Variants in LRRC4C observed in about 807,000 individuals in gnomAD.
The protein encoded by LRRC4C is leucine-rich repeat-containing protein 4C.
A neutral mutation model predicts 33.6 loss-of-function variants in LRRC4C; 5 were observed. The observed-to-expected ratio is 0.15, with a 90% CI of 0.08 to 0.31. The LOEUF (loss-of-function observed/expected upper bound fraction) is 0.31, where lower values mean the gene tolerates loss of function less well. LRRC4C is among the 10% of genes least tolerant of loss of function. LRRC4C has a pLI of 1.00. For synonymous variants in LRRC4C, 329 were observed against 302.0 expected (o/e 1.09, Z -0.93); for missense variants, 560 against 796.7 (o/e 0.70, Z 3.58).
At chr11:41,331,449 T>A (rs1951290976) in intron 1 of LRRC4C, among the ~76,000 whole-genome samples, 1 of 152,156 alleles carries the variant, frequency 6.6e-6, no homozygotes, top group Admixed American at 6.5e-5. Flanking sequence ...AATGCATGCA[T>A]GAAAGGATAA....
chr11:40,814,704 C>G (rs1261841171), intron 2 of LRRC4C, among the ~76,000 whole-genome samples: 1 of 151,542 alleles, frequency 6.6e-6, no homozygotes, highest in East Asian at 1.9e-4. Context: ...ATTTCTTCTG[C>G]CAGATACCCT....
rs192589196 is a variant in LRRC4C at position 40,367,095 on chromosome 11, A to T, written c.-269-47374T>A. Among the ~76,000 whole-genome samples the T allele has an allele frequency of 3.9e-3, 597 of 152,122 alleles. 9 individuals are homozygous for T. Among genetic ancestry groups the T allele is most frequent in the Non-Finnish European group, 4.0e-3 (274 of 67,890 alleles). ...TTTATTTAATACCTGCATCCTCATTATATATTTTATCTCACTTTTCATTGC... is the reference window on the plus strand; with the variant it reads ...TTTATTTAATACCTGCATCCTCATTTTATATTTTATCTCACTTTTCATTGC... On this transcript the variant is annotated intron_variant, in intron 3 of 6. Coordinates refer to ENST00000528697, the MANE Select transcript of LRRC4C (RefSeq NM_001258419.2).
At chr11:40,839,479 C>G (rs538125437) in intron 2 of LRRC4C, among the ~76,000 whole-genome samples, 64 of 152,298 alleles carry the variant, frequency 4.2e-4, no homozygotes, top group South Asian at 6.2e-4. Context: ...CTGCTGACCT[C>G]AGGTGATCTG....
At chr11:41,349,484 A>T (rs1409708709) in intron 1 of LRRC4C, among the ~76,000 whole-genome samples, 1 of 152,168 alleles carries the variant, frequency 6.6e-6, no homozygotes. Flanking sequence ...AAACAAAAAA[A>T]CAACAACAAA....
At chr11:40,362,176 GC>G (rs1565313842) in intron 3 of LRRC4C, among the ~76,000 whole-genome samples, 1 of 152,058 alleles carries the variant, frequency 6.6e-6, no homozygotes, top group African/African-American at 2.4e-5. Context: ...AACAATATAG[GC>G]AATACCATTC....
intron 1 of LRRC4C, among the ~76,000 whole-genome samples, chr11:41,403,683 C>T (rs545845014): frequency 1.3e-5 from 2 of 152,200 alleles, no homozygotes; most frequent in South Asian, 4.1e-4. Flanking sequence ...GTTGCCAGGA[C>T]ATATTATTGT....
chr11:40,887,623 G>A (rs949704923), intron 2 of LRRC4C, among the ~76,000 whole-genome samples: 5 of 151,932 alleles, frequency 3.3e-5, no homozygotes. Flanking sequence ...TTAGATTGAC[G>A]AATACATTGC....
intron 1 of LRRC4C, among the ~76,000 whole-genome samples, chr11:41,084,823 C>CG (rs1939841379): frequency 6.6e-6 from 1 of 151,978 alleles, no homozygotes; most frequent in Admixed American, 6.6e-5. Flanking sequence ...CACTCCAGCC[C>CG]GGGTGAAAGA....
chr11:40,634,322 T>TTA (rs553523270), intron 3 of LRRC4C, among the ~76,000 whole-genome samples: 29 of 151,820 alleles, frequency 1.9e-4, no homozygotes, highest in Middle Eastern at 6.8e-3. Context: ...GTAACCTCAT[T>TTA]TATATATATA....
chr11:41,091,806 A>C (rs1290220625), intron 1 of LRRC4C, among the ~76,000 whole-genome samples: 1 of 152,148 alleles, frequency 6.6e-6, no homozygotes, highest in Non-Finnish European at 1.5e-5. Flanking sequence ...GCTGGCGTGT[A>C]ATTTAAGTTG....
intron 3 of LRRC4C, among the ~76,000 whole-genome samples, chr11:40,444,901 C>A (rs528966261): frequency 6.6e-6 from 1 of 152,282 alleles, no homozygotes; most frequent in South Asian, 2.1e-4. Flanking sequence ...CTCTCACTTA[C>A]GTAAGGTACA....
Position 40,357,504 on chromosome 11 carries a change from C to T in LRRC4C, c.-269-37783G>A, listed in dbSNP as rs117557994. ...CAGTTCTCACCCAAATGAACAGAGA[C>T]GGTGCAGGAAACAGAACACATTTAA... On this transcript the variant is annotated intron_variant, in intron 3 of 6. Transcript: ENST00000528697. Among the ~76,000 whole-genome samples, 261 of 152,184 alleles carry T rather than the reference C, an allele frequency of 1.7e-3. 5 individuals are homozygous for T. The East Asian group carries it at 0.036, about 21-fold the overall frequency.
intron 1 of LRRC4C, among the ~76,000 whole-genome samples, chr11:41,270,992 C>G (rs72894526): frequency 6.6e-6 from 1 of 152,106 alleles, no homozygotes; most frequent in Non-Finnish European, 1.5e-5. Context: ...TCCTATAAAT[C>G]AAATCATTGG....
intron 3 of LRRC4C, among the ~76,000 whole-genome samples, chr11:40,602,704 A>G (rs1305116460): frequency 6.6e-6 from 1 of 152,226 alleles, no homozygotes; most frequent in African/African-American, 2.4e-5. Flanking sequence ...CATGATGAGG[A>G]CTGGATCTTA....
At chr11:40,226,965 C>A (rs1389376194) in intron 5 of LRRC4C, among the ~76,000 whole-genome samples, 1 of 152,134 alleles carries the variant, frequency 6.6e-6, no homozygotes, top group African/African-American at 2.4e-5. Flanking sequence ...TTACATCATT[C>A]ATTAATTAAA....
intron 1 of LRRC4C, among the ~76,000 whole-genome samples, chr11:41,077,874 C>T (rs554141192): frequency 2.0e-5 from 3 of 152,252 alleles, no homozygotes; most frequent in African/African-American, 7.2e-5. Context: ...TTCAGATTAC[C>T]TCTTTGTGAA....
intron 1 of LRRC4C, among the ~76,000 whole-genome samples, chr11:40,950,883 AT>A (rs556509078): frequency 0.033 from 4,800 of 144,080 alleles, 90 homozygotes; most frequent in African/African-American, 0.055. Flanking sequence ...CAACTTGCTT[AT>A]TTTTTTTTTT....
chr11:40,414,463 T>C (rs1456352820), intron 3 of LRRC4C, among the ~76,000 whole-genome samples: 1 of 152,138 alleles, frequency 6.6e-6, no homozygotes, highest in Non-Finnish European at 1.5e-5. Context: ...TGATAAGCCA[T>C]CTTAAAGTTT....
At chr11:40,948,517 C>T (rs1455313331) in intron 1 of LRRC4C, among the ~76,000 whole-genome samples, 1 of 118,186 alleles carries the variant, frequency 8.5e-6, no homozygotes. Context: ...TCCCTCCCCC[C>T]TCCCCCCACC....
Sources: allele counts gnomAD v4.1 joint callset (sites outside exome capture counted in the v4.1 genomes callset), GRCh38; gene constraint gnomAD v4.1.1; transcripts MANE v1.5; gene names NCBI Gene and HGNC (gene_info 2026-07-23, HGNC 2026-07-21).